The following RNF185 variants were observed in gnomAD, a reference collection of about 807,000 sequenced individuals.
The protein encoded by RNF185 is ring finger protein 185.
In RNF185, 13 loss-of-function variants were observed where a neutral mutation model predicts 24.9. The ratio of observed to expected loss-of-function variants is 0.52; its 90% confidence interval spans 0.34 to 0.83. RNF185 has a LOEUF of 0.83. Among genes scored for constraint, RNF185 ranks in the 40% least tolerant of loss-of-function variants. The probability of loss-of-function intolerance (pLI) is 0.01; values close to 1 mark genes in which losing one functional copy is unlikely to be tolerated. For synonymous variants in RNF185, 79 were observed against 90.3 expected (o/e 0.88, Z 0.71); for missense variants, 184 against 244.7 (o/e 0.75, Z 1.65).
In RNF185 at chr22:31,196,974, A is replaced by G. The variant is rs767758652; in HGVS notation, c.347A>G (p.Glu116Gly). ...TPPRPQGQRP[E>G]PENRGGFQGF... is the part of the protein sequence containing the mutation. ...CCTCGTCCTCAAGGACAGAGGCCAG[A>G]GCCGGAGAATAGAGGGGTGAGGAAC... Residue 116 changes from glutamate (E) to glycine (G), a missense_variant, in exon 5 of 7, where the codon GAG (glutamate) becomes GGG (glycine). Coordinates refer to ENST00000326132, the MANE Select transcript of RNF185 (RefSeq NM_152267.4). 4 of 1,613,666 alleles carry G rather than the reference A, an allele frequency of 2.5e-6. No individual in the cohort carries two copies. In the South Asian group the frequency reaches 3.3e-5, roughly 13 times the overall value.
intron 1 of RNF185, among the ~76,000 whole-genome samples, chr22:31,166,622 C>CCTTCTT (rs546569176): frequency 3.3e-5 from 5 of 149,410 alleles, no homozygotes; most frequent in African/African-American, 1.2e-4. Flanking sequence ...TCCTCCTCCT[C>CCTTCTT]CTTCTTCTTC....
chr22:31,163,259 C>G (rs1923692447), intron 1 of RNF185, among the ~76,000 whole-genome samples: 1 of 152,016 alleles, frequency 6.6e-6, no homozygotes, highest in African/African-American at 2.4e-5. Context: ...CCATATGGTC[C>G]ACAGAGTCTG....
At chr22:31,188,303 TG>T (rs2048119770) in intron 2 of RNF185, among the ~76,000 whole-genome samples, 1 of 152,164 alleles carries the variant, frequency 6.6e-6, no homozygotes, top group Non-Finnish European at 1.5e-5. Context: ...ATCAATTTAT[TG>T]GTGAATAAAT....
intron 4 of RNF185, 84 bp from the exon 5 acceptor site, chr22:31,196,852 C>T (rs772397110): frequency 8.9e-6 from 14 of 1,570,318 alleles, no homozygotes; most frequent in Non-Finnish European, 1.1e-5. Context: ...GGCCCTGACC[C>T]TGTTGGTAAA....
chr22:31,184,662 C>T (rs2048079176), intron 1 of RNF185, among the ~76,000 whole-genome samples: 1 of 152,216 alleles, frequency 6.6e-6, no homozygotes, highest in African/African-American at 2.4e-5. Flanking sequence ...GTCTGCAATC[C>T]TGGCACCTCG....
chr22:31,183,269 A>T (rs1432620356), intron 1 of RNF185, among the ~76,000 whole-genome samples: 1 of 152,126 alleles, frequency 6.6e-6, no homozygotes, highest in Admixed American at 6.6e-5. Flanking sequence ...TTTAACGCAA[A>T]CATGTTTCAT....
intron 1 of RNF185, among the ~76,000 whole-genome samples, chr22:31,161,159 C>T (rs534609131): frequency 2.0e-5 from 3 of 152,182 alleles, no homozygotes; most frequent in Non-Finnish European, 4.4e-5. Context: ...CAGGTGAATT[C>T]TACAGGAAGG....
chr22:31,200,912 G>T (rs908898438), intron 5 of RNF185, among the ~76,000 whole-genome samples: 10 of 152,216 alleles, frequency 6.6e-5, no homozygotes, highest in African/African-American at 2.2e-4. Context: ...TTGTCATGTA[G>T]TTGTGACCAC....
At chr22:31,169,869 T>C (rs996879254) in intron 1 of RNF185, among the ~76,000 whole-genome samples, 4 of 151,228 alleles carry the variant, frequency 2.6e-5, no homozygotes, top group African/African-American at 7.2e-5. Context: ...TTCTCTACTC[T>C]GCATCTGCTG....
At chr22:31,203,812 G>T (rs766839064) in intron 6 of RNF185, among the ~76,000 whole-genome samples, 12 of 152,126 alleles carry the variant, frequency 7.9e-5, no homozygotes, top group Non-Finnish European at 1.6e-4. Flanking sequence ...GAGGTGGGCG[G>T]ATCATCTGAG....
chr22:31,162,032 C>T (rs548614051), intron 1 of RNF185, among the ~76,000 whole-genome samples: 55 of 152,152 alleles, frequency 3.6e-4, no homozygotes, highest in African/African-American at 1.2e-3. Flanking sequence ...CTCTAGCATA[C>T]CTTTGGTTTT....
At position 31,187,205 on chromosome 22, in the gene RNF185, C is replaced by T. The variant is rs534567190; in HGVS notation, c.111C>T (p.Phe37=). ...AGAGCGGAGGGCAGGACAGCACTTT[C>T]GAGTGCAACATCTGCTTGGACACAG... ...AGESGGQDST[F]ECNICLDTAK... The change falls in exon 2 of 7, where the codon TTC becomes TTT. Residue 37 remains phenylalanine (F), a synonymous_variant. Coordinates refer to ENST00000326132, the MANE Select transcript of RNF185 (RefSeq NM_152267.4). 10 of 1,614,102 alleles carry T rather than the reference C, an allele frequency of 6.2e-6. No individual in the cohort carries two copies. Among genetic ancestry groups the T allele is most frequent in the South Asian group, 2.2e-5 (2 of 91,076 alleles).
At chr22:31,184,142 C>A (rs1032623599) in intron 1 of RNF185, among the ~76,000 whole-genome samples, 1 of 150,174 alleles carries the variant, frequency 6.7e-6, no homozygotes, top group African/African-American at 2.5e-5. Flanking sequence ...CGGGCAGAGA[C>A]GCTCCTCACT....
intron 2 of RNF185, among the ~76,000 whole-genome samples, chr22:31,189,328 T>C (rs2048133068): frequency 7.7e-6 from 1 of 130,700 alleles, no homozygotes; most frequent in African/African-American, 2.8e-5. Flanking sequence ...CCTTGCTCTC[T>C]TGCCCAGGCT....
chr22:31,184,916 C>T (rs967793935), intron 1 of RNF185, among the ~76,000 whole-genome samples: 3 of 100,424 alleles, frequency 3.0e-5, no homozygotes, highest in South Asian at 3.6e-4. Flanking sequence ...AAAGGGGAGA[C>T]GAGGACCGTG....
intron 2 of RNF185, among the ~76,000 whole-genome samples, chr22:31,191,820 T>C (rs1371106918): frequency 7.2e-6 from 1 of 139,164 alleles, no homozygotes; most frequent in Non-Finnish European, 1.5e-5. Flanking sequence ...AGAACAAAAC[T>C]TCGTCTCAAA....
chr22:31,184,041 C>T (rs1469475932), intron 1 of RNF185, among the ~76,000 whole-genome samples: 12 of 148,442 alleles, frequency 8.1e-5, no homozygotes, highest in African/African-American at 3.0e-4. Context: ...CCGGACGGGG[C>T]GGCTGGCCGG....
At chr22:31,173,544 G>A (rs954820820) in intron 1 of RNF185, among the ~76,000 whole-genome samples, 3 of 152,250 alleles carry the variant, frequency 2.0e-5, no homozygotes, top group South Asian at 2.1e-4. Flanking sequence ...ACAGATCACT[G>A]AGTTACCATT....
Position 31,204,488 on chromosome 22 carries a change from G to C in RNF185, c.482-1G>C. On this transcript the variant is annotated splice_acceptor_variant, in intron 6 of 6. Transcript: ENST00000326132. LOFTEE classifies it high-confidence loss of function. ...CTGTTTTCTCCTTTCTGTCTCTCCA[G>C]CTGTCCCTGGGACACCCCAGTATGT... 1 of 1,605,386 alleles carries C rather than the reference G, an allele frequency of 6.2e-7. No homozygotes were observed. The highest frequency in any genetic ancestry group is 8.5e-7 in the Non-Finnish European group (1 of 1,172,138).
Sources: allele counts gnomAD v4.1 joint callset (sites outside exome capture counted in the v4.1 genomes callset), GRCh38; gene constraint gnomAD v4.1.1; transcripts MANE v1.5; gene names NCBI Gene and HGNC (gene_info 2026-07-23, HGNC 2026-07-21).